Variants in PTPRD observed in about 807,000 individuals in gnomAD.
The protein encoded by PTPRD is receptor-type tyrosine-protein phosphatase delta.
Under a neutral mutation model 214.5 loss-of-function variants are expected in PTPRD, and 34 were observed. That is an observed-to-expected ratio of 0.16 (90% confidence interval 0.12 to 0.21). The LOEUF (loss-of-function observed/expected upper bound fraction) is 0.21, where lower values mean the gene tolerates loss of function less well. Among genes scored for constraint, PTPRD ranks in the 10% least tolerant of loss-of-function variants. The probability of loss-of-function intolerance (pLI) is 1.00; values close to 1 mark genes in which losing one functional copy is unlikely to be tolerated. For missense variants in PTPRD, 2,545 were observed against 2,398.7 expected, an observed-to-expected ratio of 1.06 and a Z score of -1.27; for synonymous variants, 1,128 against 845.7, an observed-to-expected ratio of 1.33 and a Z score of -5.79.
chr9:10,064,520 G>T (rs76273371), intron 3 of PTPRD, among the ~76,000 whole-genome samples: 2,862 of 151,960 alleles, frequency 0.019, 108 homozygotes, highest in African/African-American at 0.065. Context: ...TCAGGGGATT[G>T]TGGTTAATGG....
intron 8 of PTPRD, among the ~76,000 whole-genome samples, chr9:9,570,692 T>C (rs2086101149): frequency 6.6e-6 from 1 of 151,456 alleles, no homozygotes; most frequent in Non-Finnish European, 1.5e-5. Context: ...GACACAGAGA[T>C]CGATAATTTA....
intron 14 of PTPRD, among the ~76,000 whole-genome samples, chr9:8,619,391 C>T (rs1379363063): frequency 1.3e-5 from 2 of 151,598 alleles, no homozygotes; most frequent in Non-Finnish European, 2.9e-5. Flanking sequence ...ACATTCTACT[C>T]TCTACTACTG....
chr9:10,507,337 T>C (rs927354096), intron 2 of PTPRD, among the ~76,000 whole-genome samples: 1 of 152,060 alleles, frequency 6.6e-6, no homozygotes, highest in Non-Finnish European at 1.5e-5. Flanking sequence ...TGCTCATGGA[T>C]AGGAAGAATC....
chr9:10,307,155 A>G (rs922169120), intron 3 of PTPRD, among the ~76,000 whole-genome samples: 3 of 151,986 alleles, frequency 2.0e-5, no homozygotes, highest in Admixed American at 6.6e-5. Context: ...TATTATAAAC[A>G]TGAGCACTTA....
chr9:8,943,229 C>G (rs1431770802), intron 11 of PTPRD, among the ~76,000 whole-genome samples: 2 of 151,980 alleles, frequency 1.3e-5, no homozygotes, highest in Non-Finnish European at 2.9e-5. Context: ...AAGATTCAAT[C>G]TCTATCAAAA....
intron 14 of PTPRD, among the ~76,000 whole-genome samples, chr9:8,575,977 T>A (rs141361114): frequency 1.0e-3 from 155 of 152,260 alleles, no homozygotes; most frequent in African/African-American, 3.6e-3. Flanking sequence ...ATAACTTAGG[T>A]CAGTTTACAT....
chr9:10,277,597 A>G (rs1428147545), intron 3 of PTPRD, among the ~76,000 whole-genome samples: 3 of 149,078 alleles, frequency 2.0e-5, no homozygotes, highest in African/African-American at 7.3e-5. Flanking sequence ...AATACTGGCT[A>G]ATGTCATGAT....
chr9:9,148,797 C>G (rs1689115364), intron 10 of PTPRD, among the ~76,000 whole-genome samples: 1 of 152,012 alleles, frequency 6.6e-6, no homozygotes, highest in Admixed American at 6.6e-5. Flanking sequence ...ATATTTATTT[C>G]AGGATATTAA....
intron 8 of PTPRD, among the ~76,000 whole-genome samples, chr9:9,519,118 T>A (rs1244510313): frequency 6.6e-6 from 1 of 151,982 alleles, no homozygotes; most frequent in Non-Finnish European, 1.5e-5. Flanking sequence ...ACTTAAAGAA[T>A]AAATCACAAT....
At chr9:9,394,613 C>G (rs1029272621) in intron 9 of PTPRD, among the ~76,000 whole-genome samples, 1 of 152,026 alleles carries the variant, frequency 6.6e-6, no homozygotes, top group Non-Finnish European at 1.5e-5. Context: ...AAATATGAAA[C>G]TCTGAACAGT....
chr9:8,984,170 T>G (rs1377189347), intron 11 of PTPRD, among the ~76,000 whole-genome samples: 1 of 152,058 alleles, frequency 6.6e-6, no homozygotes, highest in African/African-American at 2.4e-5. Context: ...CATGTAATTT[T>G]TATTGAGTGA....
intron 8 of PTPRD, among the ~76,000 whole-genome samples, chr9:9,409,723 G>A (rs2074741716): frequency 6.6e-6 from 1 of 151,960 alleles, no homozygotes; most frequent in African/African-American, 2.4e-5. Flanking sequence ...CCCAGGACTG[G>A]TTACTTTCAA....
At chr9:10,410,724 T>G (rs2098425541) in intron 2 of PTPRD, among the ~76,000 whole-genome samples, 2 of 151,818 alleles carry the variant, frequency 1.3e-5, no homozygotes, top group East Asian at 3.9e-4. Flanking sequence ...AAAACCATTT[T>G]TCCCAATCTT....
At chr9:8,819,031 A>T (rs78446310) in intron 11 of PTPRD, among the ~76,000 whole-genome samples, 3,057 of 152,320 alleles carry the variant, frequency 0.02, 57 homozygotes, top group Non-Finnish European at 0.031. Context: ...GCCATGTCAG[A>T]AAAAGGCATA....
intron 11 of PTPRD, among the ~76,000 whole-genome samples, chr9:9,008,594 G>A (rs1311750238): frequency 6.6e-6 from 1 of 152,040 alleles, no homozygotes; most frequent in African/African-American, 2.4e-5. Flanking sequence ...AAAAAAGGAT[G>A]GAGTTAACTT....
At chr9:8,688,295 G>T (rs1184350053) in intron 12 of PTPRD, among the ~76,000 whole-genome samples, 1 of 152,182 alleles carries the variant, frequency 6.6e-6, no homozygotes, top group Admixed American at 6.5e-5. Context: ...AGCCAGGCGT[G>T]GTGGCTGACG....
At position 9,695,546 on chromosome 9, in the gene PTPRD, T is replaced by G. The variant is rs189903953; in HGVS notation, c.-287+38987A>C. On this transcript the variant is annotated intron_variant, in intron 7 of 45. Transcript: ENST00000381196. Reference sequence around the variant, plus strand: ...TTGCAGTCCTTGTGTCCTAATCATATATGGCATTTATTATTTCGAGGTATG... The same window carrying G: ...TTGCAGTCCTTGTGTCCTAATCATAGATGGCATTTATTATTTCGAGGTATG... Among the ~76,000 whole-genome samples, 59 of 152,300 alleles carry G rather than the reference T, an allele frequency of 3.9e-4. No individual in the cohort carries two copies. The East Asian group carries it at 7.9e-3, about 20-fold the overall frequency.
At chr9:8,582,251 C>A (rs936449019) in intron 14 of PTPRD, among the ~76,000 whole-genome samples, 3 of 152,086 alleles carry the variant, frequency 2.0e-5, no homozygotes, top group African/African-American at 7.2e-5. Context: ...TAGATCGCCA[C>A]TTTACAACAA....
At chr9:9,849,720 G>A (rs1400113269) in intron 5 of PTPRD, among the ~76,000 whole-genome samples, 5 of 152,166 alleles carry the variant, frequency 3.3e-5, no homozygotes, top group East Asian at 1.9e-4. Context: ...CAGTGCTAAG[G>A]AAATACTAGC....
Sources: gnomAD v4.1 joint callset for allele counts (sites outside exome capture counted in the v4.1 genomes callset) on GRCh38, gnomAD v4.1.1 for gene constraint, MANE v1.5 for transcripts, NCBI Gene and HGNC (gene_info 2026-07-23, HGNC 2026-07-21) for gene names.